The following FN1 variants were observed in gnomAD, a reference collection of about 807,000 sequenced individuals.
The protein encoded by FN1 is fibronectin.
Under a neutral mutation model 297.3 loss-of-function variants are expected in FN1, and 106 were observed. The observed-to-expected ratio is 0.36, with a 90% CI of 0.30 to 0.42. The LOEUF (loss-of-function observed/expected upper bound fraction) is 0.42. Among genes scored for constraint, FN1 ranks in the 10% least tolerant of loss-of-function variants. The probability of loss-of-function intolerance (pLI) is 1.00; values close to 1 mark genes in which losing one functional copy is unlikely to be tolerated. For missense variants in FN1, 2,690 were observed against 3,124.9 expected (o/e 0.86, Z 3.32); for synonymous variants, 1,149 against 1,152.6 (o/e 1.00, Z 0.06).
intron 3 of FN1, 115 bp downstream of exon 3, chr2:215,433,209 G>C (rs570809859): frequency 7.5e-7 from 1 of 1,338,336 alleles, no homozygotes; most frequent in Non-Finnish European, 1.1e-6. Context: ...TGGTCACCAG[G>C]GGCAAACCTC....
In FN1 at chr2:215,420,654, G is replaced by T; in HGVS notation, c.1675+19C>A. On this transcript the variant is annotated intron_variant, in intron 11 of 45. Coordinates refer to ENST00000354785, the MANE Select transcript of FN1 (RefSeq NM_212482.4). ...CATTCCCCCTGTGCAAACTCATCTA[G>T]GGAAATAGGGCTACTCACCGACGGG... The T allele has an allele frequency of 6.2e-7, 1 of 1,613,976 alleles. No individual in the cohort carries two copies. The highest frequency in any genetic ancestry group is 1.3e-5 in the African/African-American group (1 of 75,018).
chr2:215,401,672 G>T (rs1228978511), intron 20 of FN1, among the ~76,000 whole-genome samples: 1 of 152,040 alleles, frequency 6.6e-6, no homozygotes, highest in South Asian at 2.1e-4. Context: ...ATTAAAAAGT[G>T]TTCAGACTCC....
At chr2:215,379,639 G>T in intron 33 of FN1, 1 of 263,958 alleles carries the variant, frequency 3.8e-6, no homozygotes, top group Non-Finnish European at 7.3e-6. Context: ...TGGCCATTAT[G>T]ATTTATTTTA....
chr2:215,368,049 A>G, intron 41 of FN1, 22 bp from the exon 42 acceptor site: 1 of 1,613,472 alleles, frequency 6.2e-7, no homozygotes, highest in South Asian at 1.1e-5. Context: ...AGGAAGAAAA[A>G]GCAAAAAGAG....
Position 215,406,525 on chromosome 2 carries a change from T to G in FN1, c.2714-15A>C, listed in dbSNP as rs751541184. 1 of 1,612,752 alleles carries G rather than the reference T, an allele frequency of 6.2e-7. No homozygotes were observed. Among genetic ancestry groups the G allele is most frequent in the African/African-American group, 1.3e-5 (1 of 74,962 alleles). On this transcript the variant is annotated splice_polypyrimidine_tract_variant and intron_variant, in intron 18 of 45. Coordinates refer to ENST00000354785, the MANE Select transcript of FN1 (RefSeq NM_212482.4). ...GGGCACTGTATCTGACAGACAAGAG[T>G]CAACTGGTCATTCACATTCTCTGCT...
intron 3 of FN1, 51 bp from the exon 4 acceptor site, chr2:215,432,015 T>TC (rs745474466): frequency 7.2e-5 from 116 of 1,613,388 alleles, no homozygotes; most frequent in Non-Finnish European, 9.8e-5. Context: ...AGATTTTTTT[T>TC]TTTGGTCTCA....
intron 42 of FN1, among the ~76,000 whole-genome samples, chr2:215,367,162 A>G (rs2054803429): frequency 6.6e-6 from 1 of 152,230 alleles, no homozygotes; most frequent in South Asian, 2.1e-4. Flanking sequence ...TAATCATCAC[A>G]TCTCCTAAAC....
chr2:215,433,604 A>G, intron 2 of FN1, 143 bp from the exon 3 acceptor site: 1 of 852,536 alleles, frequency 1.2e-6, no homozygotes, highest in Non-Finnish European at 1.9e-6. Context: ...TGAGAGATAC[A>G]GATTTTTATC....
chr2:215,420,371 A>C (rs559083298), intron 11 of FN1, among the ~76,000 whole-genome samples: 10 of 151,828 alleles, frequency 6.6e-5, no homozygotes, highest in Admixed American at 3.3e-4. Flanking sequence ...AAACAAACAA[A>C]AAAAAAAGGA....
intron 4 of FN1, 116 bp from the exon 5 acceptor site, chr2:215,430,968 G>A: frequency 9.7e-7 from 1 of 1,035,488 alleles, no homozygotes; most frequent in Non-Finnish European, 1.5e-6. Flanking sequence ...TTTTTAAGTG[G>A]CACTCTGTTC....
chr2:215,379,407 T>A, intron 33 of FN1, 90 bp from the exon 34 acceptor site: 2 of 1,229,090 alleles, frequency 1.6e-6, no homozygotes, highest in Non-Finnish European at 2.4e-6. Context: ...AATGGATTGT[T>A]CTTGTTGGGC....
chr2:215,380,625 A>T (rs1063272), intron 33 of FN1, 186 bp downstream of exon 33: 1 of 804,162 alleles, frequency 1.2e-6, no homozygotes, highest in Non-Finnish European at 2.0e-6. Context: ...TCTTTTAATC[A>T]GACTTGTTTC....
intron 38 of FN1, among the ~76,000 whole-genome samples, chr2:215,373,760 A>G (rs1166194072): frequency 6.9e-6 from 1 of 145,512 alleles, no homozygotes; most frequent in Non-Finnish European, 1.5e-5. Context: ...GCTCACTGCA[A>G]GCTCCGCTTC....
intron 17 of FN1, 128 bp downstream of exon 17, chr2:215,407,977 CACA>C (rs868110540): frequency 1.5e-6 from 1 of 654,752 alleles, no homozygotes; most frequent in Middle Eastern, 4.3e-4. Context: ...CACACACACA[CACA>C]AACCCCTCTC....
In FN1 at chr2:215,409,712, G is replaced by C. The variant is rs770505069; in HGVS notation, c.2150C>G (p.Pro717Arg). ...AGAAGTGGCCACAAGAGGAGAAAAG[G>C]GAGTCGTCTCTCCTGTCACGGTGTT... ...TSNTVTGETT[P>R]FSPLVATSES... The change falls in exon 15 of 46, where the codon CCC becomes CGC. Residue 717 changes from proline (P) to arginine (R), a missense_variant. By Grantham distance (103) the Pro-to-Arg change is moderately radical. Around this residue, in one of 3 missense-constraint regions of FN1, gnomAD observed 876 missense variants for 1,058.1 expected, o/e 0.83. Coordinates refer to ENST00000354785, the MANE Select transcript of FN1 (RefSeq NM_212482.4). 7 of 1,613,998 alleles carry C rather than the reference G, an allele frequency of 4.3e-6. No homozygotes were observed. The highest frequency in any genetic ancestry group is 1.3e-5 in the African/African-American group (1 of 74,908).
At chr2:215,407,073 T>C in intron 18 of FN1, 54 bp downstream of exon 18, 2 of 1,395,128 alleles carry the variant, frequency 1.4e-6, no homozygotes, top group Non-Finnish European at 2.0e-6. Flanking sequence ...ACAACCCTCC[T>C]TCAGGAACAA....
At chr2:215,392,875 T>C in intron 25 of FN1, 56 bp downstream of exon 25, 2 of 1,594,538 alleles carry the variant, frequency 1.3e-6, no homozygotes, top group Non-Finnish European at 1.7e-6. Flanking sequence ...CCGGAGTAAC[T>C]GGTGGCAGCA....
chr2:215,364,720 G>A (rs900161307), intron 44 of FN1, 159 bp downstream of exon 44: 1 of 675,150 alleles, frequency 1.5e-6, no homozygotes, highest in Non-Finnish European at 2.7e-6. Context: ...ACATAGAGCT[G>A]CTCTAGAGCT....
intron 28 of FN1, 148 bp downstream of exon 28, chr2:215,386,541 C>T: frequency 1.5e-6 from 1 of 677,830 alleles, no homozygotes; most frequent in Non-Finnish European, 2.4e-6. Context: ...TTCTCACTTC[C>T]CTCTCCATGT....
Sources: allele counts gnomAD v4.1 joint callset (sites outside exome capture counted in the v4.1 genomes callset), GRCh38; gene constraint gnomAD v4.1.1; regional missense constraint gnomAD v4.1.1; transcripts MANE v1.5; gene names NCBI Gene and HGNC (gene_info 2026-07-23, HGNC 2026-07-21).